Variants in MAN1B1 observed in about 807,000 individuals in gnomAD.
MAN1B1 encodes endoplasmic reticulum mannosyl-oligosaccharide 1,2-alpha-mannosidase.
Under a neutral mutation model 75.5 loss-of-function variants are expected in MAN1B1, and 66 were observed. That is an observed-to-expected ratio of 0.87 (90% CI 0.72 to 1.07). The LOEUF is 1.07. Among genes scored for constraint, MAN1B1 ranks in the 50% least tolerant of loss-of-function variants. The pLI, the probability that MAN1B1 is intolerant of heterozygous loss-of-function variation, is 0.00. For synonymous variants in MAN1B1, 453 were observed against 382.8 expected (o/e 1.18, Z -2.14); for missense variants, 973 against 912.5 (o/e 1.07, Z -0.85).
In MAN1B1 at chr9:137,109,128, G is replaced by C. The variant is rs768481351; in HGVS notation, c.*537G>C. The stretch of plus-strand genomic sequence containing the variant: ...TGGACGGCAAGTCCGTCTAGCTCAC[G>C]GGCCCCTCCAGTGGAATGGGTCTTT... On this transcript the variant is annotated 3_prime_UTR_variant, in exon 13 of 13. Coordinates refer to ENST00000371589, the MANE Select transcript of MAN1B1 (RefSeq NM_016219.5). The C allele has an allele frequency of 2.2e-6, 1 of 454,862 alleles. No homozygotes were observed. The highest frequency in any genetic ancestry group is 4.4e-6 in the Non-Finnish European group (1 of 227,102). The allele number at this position is 454,862 out of a possible 1,614,324, so 28.2% of individuals were successfully genotyped here.
intron 3 of MAN1B1, among the ~76,000 whole-genome samples, chr9:137,095,566 A>G (rs759065626): frequency 2.0e-5 from 3 of 152,128 alleles, no homozygotes; most frequent in Non-Finnish European, 2.9e-5. Flanking sequence ...AGTAATAATA[A>G]TAATAAAAAT....
chr9:137,101,941 T>C, intron 8 of MAN1B1: 1 of 585,338 alleles, frequency 1.7e-6, no homozygotes, highest in South Asian at 1.6e-5. Context: ...ATTTGGGCTG[T>C]TGCAGGCGTA....
intron 3 of MAN1B1, among the ~76,000 whole-genome samples, chr9:137,089,837 C>G (rs1442868741): frequency 6.6e-6 from 1 of 152,032 alleles, no homozygotes; most frequent in Non-Finnish European, 1.5e-5. Context: ...TGTGCAGGCT[C>G]TGGCTTGGGG....
intron 3 of MAN1B1, 180 bp downstream of exon 3, chr9:137,089,185 T>C: frequency 2.6e-6 from 2 of 782,628 alleles, no homozygotes; most frequent in Non-Finnish European, 4.3e-6. Context: ...TGCTTCATTC[T>C]TTTTGAAGAC....
chr9:137,099,570 C>T (rs1209875577), intron 5 of MAN1B1, 126 bp from the exon 6 acceptor site: 12 of 1,038,822 alleles, frequency 1.2e-5, no homozygotes, highest in Admixed American at 6.9e-5. Flanking sequence ...CCGCCCTTCC[C>T]GTCGTCCCAA....
At position 137,088,929 on chromosome 9, in the gene MAN1B1, C is replaced by A. The variant is rs1210293120; in HGVS notation, c.389C>A (p.Pro130Gln). 3 of 1,613,952 alleles carry A rather than the reference C, an allele frequency of 1.9e-6. No homozygotes were observed. Among genetic ancestry groups the A allele is most frequent in the Non-Finnish European group, 1.7e-6 (2 of 1,180,016 alleles). Reference protein sequence around the residue: ...KMRPEIAGLKPANPPVLPAPQ... With the variant: ...KMRPEIAGLKQANPPVLPAPQ... ...AGGCCAGAAATTGCTGGGTTAAAAC[C>A]AGCAAATCCACCCGTCTTACCAGCT... The change falls in exon 3 of 13, where the codon CCA becomes CAA. Residue 130 changes from proline (P) to glutamine (Q), a missense_variant. By Grantham distance (76) the Pro-to-Gln change is moderately conservative. Coordinates refer to ENST00000371589, the MANE Select transcript of MAN1B1 (RefSeq NM_016219.5).
At position 137,099,871 on chromosome 9, in the gene MAN1B1, T is replaced by C. The variant is rs1830761341; in HGVS notation, c.906T>C (p.Gly302=). 6 of 1,614,126 alleles carry C rather than the reference T, an allele frequency of 3.7e-6. No individual in the cohort carries two copies. The highest frequency in any genetic ancestry group is 5.1e-6 in the Non-Finnish European group (6 of 1,180,040). Residue 302 remains glycine, a synonymous_variant, in exon 6 of 13, where the codon GGT becomes GGC. Transcript: ENST00000371589. ...IDALDTMWIL[G]LRKEFEEARK... Reference sequence around the variant, plus strand: ...CGCTGGACACCATGTGGATCTTGGGTCTGAGGAAAGGTACCTGGTGCTTTC... The same window carrying C: ...CGCTGGACACCATGTGGATCTTGGGCCTGAGGAAAGGTACCTGGTGCTTTC...
chr9:137,094,379 C>A, intron 3 of MAN1B1: 1 of 499,042 alleles, frequency 2.0e-6, no homozygotes, highest in Non-Finnish European at 4.0e-6. Context: ...TTGTTCCGAC[C>A]TTCCACTGTG....
chr9:137,089,200 C>T (rs1033868522), intron 3 of MAN1B1, 195 bp downstream of exon 3: 13 of 701,760 alleles, frequency 1.9e-5, no homozygotes, highest in Non-Finnish European at 2.7e-5. Context: ...GAAGACCAGC[C>T]ATGGCCAGTT....
Position 137,106,149 on chromosome 9 carries a change from C to A in MAN1B1, c.1279C>A (p.His427Asn), listed in dbSNP as rs1321086561. ...FQEAVEKVTQ[H>N]IHGLSGKKDG... ...GGAGGCAGTGGAGAAGGTGACACAGCACATCCACGGCCTGTCTGGGAAGAA... is the reference window on the plus strand; with the variant it reads ...GGAGGCAGTGGAGAAGGTGACACAGAACATCCACGGCCTGTCTGGGAAGAA... Residue 427 changes from histidine (H) to asparagine (N), a missense_variant, in exon 9 of 13, where the codon CAC (histidine) becomes AAC (asparagine). Physicochemically the swap from His to Asn is moderately conservative, Grantham distance 68. Coordinates refer to ENST00000371589, the MANE Select transcript of MAN1B1 (RefSeq NM_016219.5). 5.6e-6 allele frequency: 9 copies of A among 1,612,924 alleles called. No individual in the cohort carries two copies. Among genetic ancestry groups the A allele is most frequent in the Non-Finnish European group, 7.6e-6 (9 of 1,179,954 alleles).
Position 137,106,296 on chromosome 9 carries a change from G to A in MAN1B1, c.1426G>A (p.Gly476Ser), listed in dbSNP as rs777835029. The change falls in exon 9 of 13, where the codon GGC becomes AGC. Residue 476 changes from glycine to serine, a missense_variant. Gly to Ser is a moderately conservative substitution (Grantham distance 56, BLOSUM62 0). Transcript: ENST00000371589. ...GTACCTGCTGAAGCAGTGGATCCAG[G>A]GCGGGAAGCAGGAGACACAGTGAGG... Reference protein sequence around the residue: ...YEYLLKQWIQGGKQETQLLED... With the variant: ...YEYLLKQWIQSGKQETQLLED... 1.2e-5 allele frequency: 18 copies of A among 1,554,608 alleles called. No individual in the cohort carries two copies. The highest frequency in any genetic ancestry group is 8.7e-7 in the Non-Finnish European group (1 of 1,149,858).
At chr9:137,106,476 T>A in intron 9 of MAN1B1, 161 bp downstream of exon 9, 1 of 944,402 alleles carries the variant, frequency 1.1e-6, no homozygotes, top group Non-Finnish European at 1.6e-6. Flanking sequence ...GGCATTTATG[T>A]GGAGGGCGTA....
In MAN1B1 at chr9:137,088,176, T is replaced by C. The variant is rs1830426479; in HGVS notation, c.321T>C (p.His107=). ...TCTTCTACATCAACTTGGCTGACCATTGGAAAGGTATCAGAAACACGTGTA... is the reference window on the plus strand; with the variant it reads ...TCTTCTACATCAACTTGGCTGACCACTGGAAAGGTATCAGAAACACGTGTA... ...GLLFYINLAD[H]WKALAFRLEE... The change falls in exon 2 of 13, where the codon CAT becomes CAC. Residue 107 remains histidine, a synonymous_variant. Coordinates refer to ENST00000371589, the MANE Select transcript of MAN1B1 (RefSeq NM_016219.5). 1.2e-6 allele frequency: 2 copies of C among 1,614,152 alleles called. No individual in the cohort carries two copies. The highest frequency in any genetic ancestry group is 1.3e-5 in the African/African-American group (1 of 75,044).
Position 137,108,505 on chromosome 9 carries a change from T to G in MAN1B1, c.2014T>G (p.Phe672Val), listed in dbSNP as rs1317494626. ...GETLKYLFLL[F>V]SDDPNLLSLD... The stretch of plus-strand genomic sequence containing the variant: ...GACGCTCAAGTATCTGTTCTTGCTC[T>G]TCTCCGATGACCCAAACCTGCTCAG... The change falls in exon 13 of 13, where the codon TTC becomes GTC. Residue 672 changes from phenylalanine to valine, a missense_variant. Transcript: ENST00000371589. 6.2e-7 allele frequency: 1 copy of G among 1,614,028 alleles called. No homozygotes were observed. The highest frequency in any genetic ancestry group is 1.1e-5 in the South Asian group (1 of 91,088).
At chr9:137,098,451 G>C (rs1181674223) in intron 5 of MAN1B1, among the ~76,000 whole-genome samples, 2 of 152,172 alleles carry the variant, frequency 1.3e-5, no homozygotes, top group African/African-American at 4.8e-5. Context: ...TCGTTTGCTT[G>C]TCTGTGGGGG....
chr9:137,087,969 A>G (rs1004468079), intron 1 of MAN1B1, 106 bp from the exon 2 acceptor site: 3 of 942,682 alleles, frequency 3.2e-6, no homozygotes, highest in Non-Finnish European at 3.5e-6. Flanking sequence ...AGAGCTGAAC[A>G]CTGGATCTTC....
At chr9:137,101,995 C>T (rs538776176) in intron 8 of MAN1B1, 222 of 518,668 alleles carry the variant, frequency 4.3e-4, no homozygotes, top group African/African-American at 4.1e-3. Flanking sequence ...GAGTACAGGT[C>T]GGTGGTGTTA....
chr9:137,093,955 G>A (rs1830586543), intron 3 of MAN1B1, among the ~76,000 whole-genome samples: 2 of 151,866 alleles, frequency 1.3e-5, no homozygotes, highest in Admixed American at 1.3e-4. Context: ...AGAAAATTTG[G>A]GAGTAAAACT....
chr9:137,103,364 G>A (rs1019121102), intron 8 of MAN1B1: 1 of 443,204 alleles, frequency 2.3e-6, no homozygotes, highest in Non-Finnish European at 4.5e-6. Context: ...AGACGTGCAG[G>A]TCAGTGGTGT....
Sources: gnomAD v4.1 joint callset for allele counts (sites outside exome capture counted in the v4.1 genomes callset) on GRCh38, gnomAD v4.1.1 for gene constraint, MANE v1.5 for transcripts, NCBI Gene and HGNC (gene_info 2026-07-23, HGNC 2026-07-21) for gene names.